PTAR1: variants seen among roughly 807,000 people sequenced by gnomAD.
The protein encoded by PTAR1 is protein prenyltransferase alpha subunit repeat-containing protein 1.
A neutral mutation model predicts 45.5 loss-of-function variants in PTAR1; 17 were observed. The ratio of observed to expected loss-of-function variants is 0.37; its 90% confidence interval spans 0.26 to 0.56. The LOEUF (loss-of-function observed/expected upper bound fraction) is 0.56, where lower values mean the gene tolerates loss of function less well. Ranked by LOEUF, PTAR1 falls within the 20% of genes least tolerant of loss-of-function variation. The pLI, the probability that PTAR1 is intolerant of heterozygous loss-of-function variation, is 0.77. For synonymous variants in PTAR1, 169 were observed against 171.3 expected (o/e 0.99, Z 0.11); for missense variants, 391 against 476.3 (o/e 0.82, Z 1.67).
intron 3 of PTAR1, among the ~76,000 whole-genome samples, chr9:69,736,503 G>A (rs576597098): frequency 1.3e-3 from 200 of 152,312 alleles, no homozygotes; most frequent in Non-Finnish European, 2.5e-3. Context: ...GTTGCAGTGA[G>A]CCAAGATCGC....
intron 3 of PTAR1, among the ~76,000 whole-genome samples, chr9:69,740,157 G>T (rs1825976840): frequency 6.6e-6 from 1 of 152,098 alleles, no homozygotes. Context: ...CTGGTTTATA[G>T]GATATACAAT....
At chr9:69,723,859 T>G (rs914922373) in intron 5 of PTAR1, among the ~76,000 whole-genome samples, 3 of 152,146 alleles carry the variant, frequency 2.0e-5, no homozygotes, top group Non-Finnish European at 4.4e-5. Context: ...ACTAAAGAAT[T>G]TAAGGACTCA....
intron 1 of PTAR1, 63 bp downstream of exon 1, chr9:69,759,790 C>T (rs1034165058): frequency 4.0e-6 from 6 of 1,482,368 alleles, no homozygotes; most frequent in Non-Finnish European, 5.4e-6. Context: ...GTCGGGTGGA[C>T]GCTTGGCCCC....
rs545145815 is a variant in PTAR1 at position 69,710,017 on chromosome 9, G to T, written c.*8325C>A. ...TACTTCTAGAACATATTAAAATGAAGATGAAGGAAAACAAGTGGATAATTC... is the reference window on the plus strand; with the variant it reads ...TACTTCTAGAACATATTAAAATGAATATGAAGGAAAACAAGTGGATAATTC... On this transcript the variant is annotated 3_prime_UTR_variant, in exon 8 of 8. Transcript: ENST00000340434. 6.6e-6 allele frequency: 1 copy of T among 152,164 alleles called. No homozygotes were observed. The highest frequency in any genetic ancestry group is 2.1e-4 in the South Asian group (1 of 4,818). The allele number at this position is 152,164 out of a possible 1,614,324, so 9.4% of individuals were successfully genotyped here. A position where few individuals can be genotyped will look rare whatever the true frequency, so the allele number is the denominator to read the frequency against.
chr9:69,754,946 C>T (rs77795026), intron 1 of PTAR1, among the ~76,000 whole-genome samples: 2,337 of 152,074 alleles, frequency 0.015, 62 homozygotes, highest in African/African-American at 0.053. Context: ...TGAGCAATTC[C>T]CATTAAACAT....
chr9:69,741,889 A>G (rs1826058763), intron 2 of PTAR1, 31 bp from the exon 3 acceptor site: 2 of 1,359,594 alleles, frequency 1.5e-6, no homozygotes, highest in Non-Finnish European at 2.1e-6. Context: ...ATTAAAAACA[A>G]ATAGTCCTAC....
In PTAR1 at chr9:69,741,814, A is replaced by G. The variant is rs1056097657; in HGVS notation, c.301T>C (p.Phe101Leu). 1 of 1,601,356 alleles carries G rather than the reference A, an allele frequency of 6.2e-7. No individual in the cohort carries two copies. The highest frequency in any genetic ancestry group is 1.3e-5 in the African/African-American group (1 of 74,834). Residue 101 changes from phenylalanine (F) to leucine (L), a missense_variant, in exon 3 of 8, where the codon TTT becomes CTT. Physicochemically the swap from Phe to Leu is conservative, Grantham distance 22 (BLOSUM62 0). Coordinates refer to ENST00000340434, the MANE Select transcript of PTAR1 (RefSeq NM_001099666.2). ...TACCTCACGTTCCATGCAGTGGTAA[A>G]GTCTGGGTTTAGAAGCAGCAGGGTA... ...TCTLLLLNPD[F>L]TTAWNVRKEL... is the part of the protein sequence containing the mutation.
chr9:69,744,364 G>GA (rs1037046669), intron 2 of PTAR1, among the ~76,000 whole-genome samples: 6 of 149,328 alleles, frequency 4.0e-5, no homozygotes, highest in Non-Finnish European at 7.4e-5. Context: ...TACCTAGTTG[G>GA]AAAAAAATCT....
chr9:69,752,934 T>C, intron 1 of PTAR1, among the ~76,000 whole-genome samples: 1 of 152,132 alleles, frequency 6.6e-6, no homozygotes, highest in East Asian at 1.9e-4. Context: ...CTGATGTTTG[T>C]GTTTTACTAC....
chr9:69,759,798 C>A, intron 1 of PTAR1, 55 bp downstream of exon 1: 1 of 1,242,090 alleles, frequency 8.1e-7, no homozygotes, highest in Admixed American at 3.1e-5. Flanking sequence ...GACGCTTGGC[C>A]CCGCCCCCGC....
chr9:69,751,959 G>A (rs1336097979), intron 1 of PTAR1, among the ~76,000 whole-genome samples: 2 of 152,014 alleles, frequency 1.3e-5, no homozygotes, highest in Non-Finnish European at 2.9e-5. Flanking sequence ...AAAAATTTGT[G>A]CAAAACACAT....
At chr9:69,733,662 G>A (rs556373603) in intron 4 of PTAR1, among the ~76,000 whole-genome samples, 1 of 152,234 alleles carries the variant, frequency 6.6e-6, no homozygotes, top group East Asian at 1.9e-4. Flanking sequence ...CGCTTCAGCT[G>A]CCCTCAGCTT....
intron 5 of PTAR1, among the ~76,000 whole-genome samples, chr9:69,729,106 G>C (rs1011487441): frequency 2.6e-5 from 4 of 152,040 alleles, no homozygotes; most frequent in Admixed American, 6.5e-5. Flanking sequence ...GATTGCTTGA[G>C]GTCAGGAGTT....
intron 4 of PTAR1, 31 bp from the exon 5 acceptor site, chr9:69,732,383 C>T (rs1330420030): frequency 6.9e-7 from 1 of 1,455,826 alleles, no homozygotes; most frequent in Admixed American, 1.7e-5. Flanking sequence ...AAAGAGAACA[C>T]AGAAAGAACA....
chr9:69,758,658 A>C, intron 1 of PTAR1: 1 of 392,630 alleles, frequency 2.5e-6, no homozygotes, highest in Non-Finnish European at 5.3e-6. Flanking sequence ...GTGTGCCACA[A>C]GGGAGCAAAA....
At chr9:69,746,398 A>G (rs1826277579) in intron 2 of PTAR1, among the ~76,000 whole-genome samples, 1 of 152,230 alleles carries the variant, frequency 6.6e-6, no homozygotes, top group African/African-American at 2.4e-5. Context: ...CCTGCAAAGC[A>G]GATGCTCTTT....
At chr9:69,749,152 G>T (rs984408011) in intron 2 of PTAR1, among the ~76,000 whole-genome samples, 1 of 152,132 alleles carries the variant, frequency 6.6e-6, no homozygotes, top group Non-Finnish European at 1.5e-5. Context: ...ATAGTGTCCA[G>T]AAGGACAAAA....
At position 69,739,682 on chromosome 9, in the gene PTAR1, C is replaced by A. The variant is rs1825954488; in HGVS notation, c.323+2110G>T. Among the ~76,000 whole-genome samples, 3 of 152,048 alleles carry A rather than the reference C, an allele frequency of 2.0e-5. No homozygotes were observed. The South Asian group carries it at 6.2e-4, about 32-fold the overall frequency. On this transcript the variant is annotated intron_variant, in intron 3 of 7. Transcript: ENST00000340434. The stretch of plus-strand genomic sequence containing the variant: ...CTGTGTATTTGATACGCAATAGAGA[C>A]CTTATAGGGTTAGAATTTACTTTGA...
At chr9:69,731,771 GC>G (rs1825549946) in intron 5 of PTAR1, among the ~76,000 whole-genome samples, 1 of 135,644 alleles carries the variant, frequency 7.4e-6, no homozygotes, top group South Asian at 2.5e-4. Flanking sequence ...TGAAAAGACA[GC>G]CAGCTGACTT....
Sources: allele counts gnomAD v4.1 joint callset (sites outside exome capture counted in the v4.1 genomes callset), GRCh38; gene constraint gnomAD v4.1.1; transcripts MANE v1.5; gene names NCBI Gene and HGNC (gene_info 2026-07-23, HGNC 2026-07-21).